SRPK2: variants seen among roughly 807,000 people sequenced by gnomAD.
SRPK2 encodes SFRS protein kinase 2.
A neutral mutation model predicts 90.8 loss-of-function variants in SRPK2; 21 were observed. That is an observed-to-expected ratio of 0.23 (90% CI 0.16 to 0.33). The LOEUF (loss-of-function observed/expected upper bound fraction) is 0.33. Ranked by LOEUF, SRPK2 falls within the 10% of genes least tolerant of loss-of-function variation. SRPK2 has a pLI of 1.00. For synonymous variants in SRPK2, 288 were observed against 311.1 expected, an observed-to-expected ratio of 0.93 and a Z score of 0.78; for missense variants, 620 against 869.0, an observed-to-expected ratio of 0.71 and a Z score of 3.60.
At chr7:105,291,044 C>CAAAAAAAAAA (rs10684672) in intron 2 of SRPK2, among the ~76,000 whole-genome samples, 3 of 83,762 alleles carry the variant, frequency 3.6e-5, no homozygotes, top group Non-Finnish European at 6.4e-5. Flanking sequence ...GACTCCGTCT[C>CAAAAAAAAAA]AAAAAAAAAA....
intron 2 of SRPK2, among the ~76,000 whole-genome samples, chr7:105,321,733 C>T (rs1197247461): frequency 6.6e-6 from 1 of 151,908 alleles, no homozygotes; most frequent in Non-Finnish European, 1.5e-5. Context: ...CAAATAAAAA[C>T]GAGGCACAAC....
intron 2 of SRPK2, among the ~76,000 whole-genome samples, chr7:105,376,144 G>A (rs572806437): frequency 5.6e-4 from 85 of 151,452 alleles, no homozygotes; most frequent in Non-Finnish European, 9.0e-4. Flanking sequence ...ACAGGCGCCC[G>A]CCACCACACC....
At chr7:105,328,284 G>A (rs78892792) in intron 2 of SRPK2, among the ~76,000 whole-genome samples, 2,150 of 151,842 alleles carry the variant, frequency 0.014, 27 homozygotes, top group African/African-American at 0.036. Context: ...TTTAAAGGCC[G>A]GGGGCAGTGG....
chr7:105,205,944 C>CAG (rs1163058069), intron 2 of SRPK2: 1 of 518,914 alleles, frequency 1.9e-6, no homozygotes, highest in Non-Finnish European at 3.8e-6. Flanking sequence ...CACACACACA[C>CAG]ACATTGAGTT....
intron 1 of SRPK2, among the ~76,000 whole-genome samples, chr7:105,398,343 C>A (rs1287709714): frequency 6.6e-6 from 1 of 151,646 alleles, no homozygotes; most frequent in Non-Finnish European, 1.5e-5. Flanking sequence ...AGTCATATCA[C>A]CCGTCTTGGG....
chr7:105,246,672 TTCTA>T, intron 2 of SRPK2, among the ~76,000 whole-genome samples: 1 of 152,362 alleles, frequency 6.6e-6, no homozygotes, highest in African/African-American at 2.4e-5. Context: ...TGGGTTCAAC[TTCTA>T]TCTACTTCTT....
At chr7:105,247,531 A>C (rs78548331) in intron 2 of SRPK2, among the ~76,000 whole-genome samples, 2,789 of 145,230 alleles carry the variant, frequency 0.019, 106 homozygotes, top group African/African-American at 0.066. Context: ...CACACACATA[A>C]ACACACACAC....
intron 2 of SRPK2, among the ~76,000 whole-genome samples, chr7:105,211,206 C>T (rs1796812903): frequency 6.6e-6 from 1 of 151,756 alleles, no homozygotes; most frequent in Admixed American, 6.6e-5. Flanking sequence ...TAGAGTAGAT[C>T]ATGGAGAATT....
intron 13 of SRPK2, 152 bp downstream of exon 13, chr7:105,132,639 G>A: frequency 1.6e-6 from 1 of 623,178 alleles, no homozygotes; most frequent in Non-Finnish European, 2.8e-6. Flanking sequence ...TAAGATGCCT[G>A]CGGCAGCAAC....
chr7:105,303,810 C>A (rs1810851092), intron 2 of SRPK2, among the ~76,000 whole-genome samples: 1 of 152,014 alleles, frequency 6.6e-6, no homozygotes, highest in African/African-American at 2.4e-5. Context: ...AGTAAAAAAA[C>A]AAAACACACG....
chr7:105,269,031 A>C (rs1805479093), intron 2 of SRPK2: 12 of 1,319,004 alleles, frequency 9.1e-6, no homozygotes, highest in Non-Finnish European at 1.2e-5. Flanking sequence ...TAAAGGGAAA[A>C]AGCTCCAGAG....
At chr7:105,353,340 GTTT>G (rs1197276249) in intron 2 of SRPK2, among the ~76,000 whole-genome samples, 1 of 151,782 alleles carries the variant, frequency 6.6e-6, no homozygotes, top group Non-Finnish European at 1.5e-5. Context: ...TAATGGTTTT[GTTT>G]TTTTGTGTTT....
intron 2 of SRPK2, among the ~76,000 whole-genome samples, chr7:105,280,656 A>AAGG (rs1807148130): frequency 3.9e-5 from 1 of 25,930 alleles, no homozygotes; most frequent in African/African-American, 7.4e-5. Flanking sequence ...ATTAAAAAAA[A>AAGG]GGGGGGGGGG....
chr7:105,375,965 C>T (rs951690364), intron 2 of SRPK2, among the ~76,000 whole-genome samples: 2 of 135,182 alleles, frequency 1.5e-5, no homozygotes, highest in East Asian at 2.3e-4. Context: ...GCTTGGGCAA[C>T]GTAATGAGAA....
At chr7:105,155,277 C>T (rs1806337258) in intron 7 of SRPK2, among the ~76,000 whole-genome samples, 1 of 152,186 alleles carries the variant, frequency 6.6e-6, no homozygotes, top group Non-Finnish European at 1.5e-5. Context: ...CCACTGCACC[C>T]AGCCCCCTTA....
chr7:105,235,429 T>C (rs1486345499), intron 2 of SRPK2, among the ~76,000 whole-genome samples: 2 of 151,676 alleles, frequency 1.3e-5, no homozygotes, highest in Admixed American at 1.3e-4. Flanking sequence ...TTTTCTGAAA[T>C]GCAGCATTTT....
At chr7:105,355,269 G>C (rs773987278) in intron 2 of SRPK2, among the ~76,000 whole-genome samples, 3 of 151,898 alleles carry the variant, frequency 2.0e-5, no homozygotes, top group Admixed American at 6.6e-5. Flanking sequence ...GCCACAGCAG[G>C]AGGAGTGCTA....
chr7:105,347,385 G>T (rs531954153), intron 2 of SRPK2, among the ~76,000 whole-genome samples: 1 of 151,620 alleles, frequency 6.6e-6, no homozygotes, highest in African/African-American at 2.4e-5. Context: ...GTAGAGACAG[G>T]TCTCACTAGC....
intron 3 of SRPK2, among the ~76,000 whole-genome samples, chr7:105,201,724 C>T (rs1655947816): frequency 6.6e-6 from 1 of 151,710 alleles, no homozygotes; most frequent in South Asian, 2.1e-4. Flanking sequence ...GAGGACTGCT[C>T]AAGCCCAAGA....
Sources: allele counts gnomAD v4.1 joint callset (sites outside exome capture counted in the v4.1 genomes callset), GRCh38; gene constraint gnomAD v4.1.1; transcripts MANE v1.5; gene names NCBI Gene and HGNC (gene_info 2026-07-23, HGNC 2026-07-21).